The following CDH3 variants were observed in gnomAD, a reference collection of about 807,000 sequenced individuals.
CDH3 encodes the protein cadherin 3.
A neutral mutation model predicts 82.0 loss-of-function variants in CDH3; 54 were observed. The observed-to-expected ratio is 0.66, with a 90% CI of 0.53 to 0.83. The LOEUF is 0.83. Ranked by LOEUF, CDH3 falls within the 40% of genes least tolerant of loss-of-function variation. The pLI, the probability that CDH3 is intolerant of heterozygous loss-of-function variation, is 0.00. For missense variants in CDH3, 1,054 were observed against 1,084.6 expected, an observed-to-expected ratio of 0.97 and a Z score of 0.40; for synonymous variants, 446 against 437.9, an observed-to-expected ratio of 1.02 and a Z score of -0.23.
intron 2 of CDH3, among the ~76,000 whole-genome samples, chr16:68,662,295 A>G (rs915674520): frequency 3.3e-5 from 5 of 152,162 alleles, no homozygotes; most frequent in Non-Finnish European, 7.3e-5. Flanking sequence ...AGATTGGCAC[A>G]TTAAAGAGTT....
chr16:68,645,482 G>A, intron 1 of CDH3, 58 bp downstream of exon 1: 1 of 1,580,362 alleles, frequency 6.3e-7, no homozygotes, highest in South Asian at 1.1e-5. Context: ...GGCGGGCGGG[G>A]TCCGCATGGG....
intron 15 of CDH3, 132 bp from the exon 16 acceptor site, chr16:68,698,059 C>T (rs572053838): frequency 2.7e-5 from 22 of 816,096 alleles, no homozygotes; most frequent in Middle Eastern, 2.2e-4. Flanking sequence ...GCATGAATAA[C>T]GCATTCTTTC....
chr16:68,713,170 A>T (rs1962051088), intron 1 of CDH3, among the ~76,000 whole-genome samples: 1 of 152,092 alleles, frequency 6.6e-6, no homozygotes, highest in Non-Finnish European at 1.5e-5. Flanking sequence ...AACATTTTAA[A>T]TGTTGATCTA....
intron 7 of CDH3, 96 bp downstream of exon 7, chr16:68,680,070 C>CCG (rs2152100768): frequency 4.9e-6 from 6 of 1,220,550 alleles, no homozygotes; most frequent in Middle Eastern, 2.5e-4. Flanking sequence ...CCACAAAGCC[C>CCG]AAGGCAGAAC....
intron 9 of CDH3, among the ~76,000 whole-genome samples, chr16:68,684,194 T>G (rs1961328465): frequency 6.6e-6 from 1 of 152,048 alleles, no homozygotes. Flanking sequence ...ATGAAGCCAC[T>G]GCACTTGAGC....
chr16:68,665,975 CA>C (rs368539456), intron 2 of CDH3, among the ~76,000 whole-genome samples: 12 of 152,222 alleles, frequency 7.9e-5, no homozygotes, highest in African/African-American at 2.9e-4. Context: ...AACTGGAAGG[CA>C]AAATGGGGGC....
rs1347747808 is a variant in CDH3 at position 68,679,850 on chromosome 16, C to A, written c.743C>A (p.Thr248Asn). Reference sequence around the variant, plus strand: ...ACGGATGAGGATGATGCCATCTACACCTACAATGGGGTGGTTGCTTACTCC... The same window carrying A: ...ACGGATGAGGATGATGCCATCTACAACTACAATGGGGTGGTTGCTTACTCC... The part of the protein sequence containing the change: ...TATDEDDAIY[T>N]YNGVVAYSIH... The change falls in exon 7 of 16, where the codon ACC becomes AAC. Residue 248 changes from threonine (T) to asparagine (N), a missense_variant. Physicochemically the swap from Thr to Asn is moderately conservative, Grantham distance 65. Coordinates refer to ENST00000264012, the MANE Select transcript of CDH3 (RefSeq NM_001793.6). The A allele has an allele frequency of 3.1e-6, 5 of 1,613,614 alleles. No individual in the cohort carries two copies. The highest frequency in any genetic ancestry group is 4.2e-6 in the Non-Finnish European group (5 of 1,179,560).
chr16:68,649,339 A>G (rs1464711110), intron 2 of CDH3, among the ~76,000 whole-genome samples: 2 of 152,196 alleles, frequency 1.3e-5, no homozygotes, highest in Non-Finnish European at 2.9e-5. Context: ...ATTAACATCA[A>G]GATGGTTTTG....
intron 2 of CDH3, among the ~76,000 whole-genome samples, chr16:68,725,988 G>A (rs1414923978): frequency 2.0e-5 from 3 of 152,158 alleles, no homozygotes; most frequent in African/African-American, 7.2e-5. Context: ...CCAGGAGGCA[G>A]ACGGAGGTTG....
At chr16:68,697,206 C>T (rs1369855292) in intron 15 of CDH3, among the ~76,000 whole-genome samples, 1 of 151,428 alleles carries the variant, frequency 6.6e-6, no homozygotes, top group Non-Finnish European at 1.5e-5. Context: ...CGCCTGTAGT[C>T]CCAGCTACTC....
At chr16:68,662,995 T>A (rs10852448) in intron 2 of CDH3, among the ~76,000 whole-genome samples, 86,672 of 149,036 alleles carry the variant, frequency 0.58, 25,342 homozygotes, top group East Asian at 0.63. Context: ...TAGCCTCCCT[T>A]ATAGCTGGGA....
At chr16:68,684,108 G>A (rs978763496) in intron 9 of CDH3, among the ~76,000 whole-genome samples, 4 of 149,138 alleles carry the variant, frequency 2.7e-5, no homozygotes, top group African/African-American at 7.4e-5. Context: ...GCACACACCT[G>A]TAGTCCCAGC....
intron 1 of CDH3, among the ~76,000 whole-genome samples, chr16:68,719,502 C>CTTTTTTT (rs71148939): frequency 1.0e-3 from 76 of 74,462 alleles, no homozygotes; most frequent in Non-Finnish European, 1.2e-3. Context: ...TGGAACTGTT[C>CTTTTTTT]TTTTTTTTTT....
Position 68,690,921 on chromosome 16 carries a change from C to T in CDH3, c.1796-799C>T, listed in dbSNP as rs147622514. On this transcript the variant is annotated intron_variant, in intron 12 of 15. Transcript: ENST00000264012. The stretch of plus-strand genomic sequence containing the variant: ...GACTTAGTCTCAAAAAAATTGAATG[C>T]TCAGTTGGAAATATGGGTGTTTCAT... 7.8e-3 allele frequency among the ~76,000 whole-genome samples: 1,182 copies of T among 152,076 alleles called. 9 individuals are homozygous for T. The highest frequency in any genetic ancestry group is 0.019 in the African/African-American group (804 of 41,494).
At chr16:68,715,506 C>A (rs201098978) in intron 1 of CDH3, among the ~76,000 whole-genome samples, 1 of 152,020 alleles carries the variant, frequency 6.6e-6, no homozygotes. Context: ...GGAACTGGGG[C>A]GATGTTCAAG....
In CDH3 at chr16:68,666,014, T is replaced by C. The variant is rs116169073; in HGVS notation, c.161-10371T>C. Among the ~76,000 whole-genome samples the C allele has an allele frequency of 4.4e-3, 673 of 152,286 alleles. 7 individuals carry two copies. Among genetic ancestry groups the C allele is most frequent in the African/African-American group, 0.015 (642 of 41,560 alleles). On this transcript the variant is annotated intron_variant, in intron 2 of 15. Coordinates refer to ENST00000264012, the MANE Select transcript of CDH3 (RefSeq NM_001793.6). ...ACCACCCATACGGGACCTTTGTCTT[T>C]TCAAAGGAATATTTGAAATCAATCA...
At chr16:68,659,707 A>C (rs2152092909) in intron 2 of CDH3, among the ~76,000 whole-genome samples, 1 of 152,238 alleles carries the variant, frequency 6.6e-6, no homozygotes, top group African/African-American at 2.4e-5. Context: ...AAAATAAATA[A>C]AGAGAAAAAG....
At chr16:68,704,866 G>C (rs1348602592), downstream of CDH3, among the ~76,000 whole-genome samples, 1 of 152,168 alleles carries the variant, frequency 6.6e-6, no homozygotes, top group Non-Finnish European at 1.5e-5. Context: ...GACCAGCCTG[G>C]GCAACATAGT....
intron 2 of CDH3, among the ~76,000 whole-genome samples, chr16:68,649,783 C>G (rs964905590): frequency 4.0e-4 from 61 of 152,084 alleles, no homozygotes; most frequent in Non-Finnish European, 1.6e-4. Context: ...GCTGTAATCC[C>G]AGCACTTTGG....
Sources: allele counts gnomAD v4.1 joint callset (sites outside exome capture counted in the v4.1 genomes callset), GRCh38; gene constraint gnomAD v4.1.1; transcripts MANE v1.5; gene names NCBI Gene and HGNC (gene_info 2026-07-23, HGNC 2026-07-21).